PTPRD: variants seen among roughly 807,000 people sequenced by gnomAD.
The protein encoded by PTPRD is protein tyrosine phosphatase receptor type D, also known as receptor-type tyrosine-protein phosphatase delta.
Under a neutral mutation model 214.5 loss-of-function variants are expected in PTPRD, and 34 were observed. The ratio of observed to expected loss-of-function variants is 0.16; its 90% CI spans 0.12 to 0.21. The LOEUF (loss-of-function observed/expected upper bound fraction) is 0.21, where lower values mean the gene tolerates loss of function less well. PTPRD is among the 10% of genes least tolerant of loss of function. PTPRD has a pLI of 1.00. For missense variants in PTPRD, 2,545 were observed against 2,398.7 expected, an observed-to-expected ratio of 1.06 and a Z score of -1.27; for synonymous variants, 1,128 against 845.7, an observed-to-expected ratio of 1.33 and a Z score of -5.79.
At chr9:10,112,151 G>A (rs149189646) in intron 3 of PTPRD, among the ~76,000 whole-genome samples, 3 of 152,166 alleles carry the variant, frequency 2.0e-5, no homozygotes, top group African/African-American at 7.2e-5. Flanking sequence ...TTCTGGAATT[G>A]ACAAGCAAAT....
At chr9:10,235,556 A>G (rs1470679414) in intron 3 of PTPRD, among the ~76,000 whole-genome samples, 1 of 151,936 alleles carries the variant, frequency 6.6e-6, no homozygotes, top group Non-Finnish European at 1.5e-5. Context: ...ACTTAAGCCT[A>G]TTTCTGGACT....
In PTPRD at chr9:8,314,810, A is replaced by G. The variant is rs1295416926; in HGVS notation, c.*3064T>C. On this transcript the variant is annotated 3_prime_UTR_variant, in exon 46 of 46. Transcript: ENST00000381196. ...GAAGCAGTTTCTTACAGATGGGTTC[A>G]AGTAATATCATTATTGGGTGTAGAA... The G allele has an allele frequency of 8.6e-6, 2 of 232,312 alleles. No individual in the cohort carries two copies. Among genetic ancestry groups the G allele is most frequent in the Non-Finnish European group, 1.7e-5 (2 of 117,220 alleles). 14.4% of individuals were successfully genotyped at this position (232,312 alleles called of 1,614,324 possible).
chr9:10,300,435 G>T (rs937279411), intron 3 of PTPRD, among the ~76,000 whole-genome samples: 9 of 152,172 alleles, frequency 5.9e-5, no homozygotes, highest in Non-Finnish European at 1.3e-4. Flanking sequence ...CTGGAAAGGG[G>T]GCTGAAGCCA....
intron 2 of PTPRD, among the ~76,000 whole-genome samples, chr9:10,528,722 TC>T (rs1243344321): frequency 6.6e-6 from 1 of 152,182 alleles, no homozygotes; most frequent in East Asian, 1.9e-4. Context: ...GCTTGTATAA[TC>T]CTGACTTCTT....
At chr9:9,806,253 ATAGT>A (rs1173962235) in intron 5 of PTPRD, among the ~76,000 whole-genome samples, 7 of 151,714 alleles carry the variant, frequency 4.6e-5, no homozygotes, top group African/African-American at 1.5e-4. Flanking sequence ...CTCTAAAATA[ATAGT>A]TGGTTGTAGA....
chr9:9,044,690 G>A (rs1157272192), intron 10 of PTPRD, among the ~76,000 whole-genome samples: 1 of 152,110 alleles, frequency 6.6e-6, no homozygotes, highest in Non-Finnish European at 1.5e-5. Context: ...ACTATGCTGG[G>A]AACTTGAGTC....
At chr9:8,471,204 G>A in intron 30 of PTPRD, 119 bp from the exon 31 acceptor site, 1 of 755,938 alleles carries the variant, frequency 1.3e-6, no homozygotes, top group Non-Finnish European at 2.3e-6. Flanking sequence ...GGGGTGACTT[G>A]TCCATTTCTT....
intron 5 of PTPRD, among the ~76,000 whole-genome samples, chr9:9,802,057 T>G (rs992193441): frequency 2.0e-5 from 3 of 152,098 alleles, no homozygotes; most frequent in Admixed American, 6.6e-5. Context: ...AAATTGAATG[T>G]GTTTAGCACC....
intron 8 of PTPRD, among the ~76,000 whole-genome samples, chr9:9,564,895 T>TTTTTTTG (rs1555579069): frequency 3.3e-4 from 45 of 135,380 alleles, no homozygotes; most frequent in African/African-American, 1.3e-3. Flanking sequence ...TTTTTTTTTT[T>TTTTTTTG]TTTTTTTTTT....
At chr9:8,593,216 G>A (rs998780218) in intron 14 of PTPRD, among the ~76,000 whole-genome samples, 10 of 152,148 alleles carry the variant, frequency 6.6e-5, no homozygotes, top group Admixed American at 2.0e-4. Context: ...GCTTGAGGGC[G>A]TTTATCTTTA....
intron 5 of PTPRD, among the ~76,000 whole-genome samples, chr9:9,823,202 G>T (rs2051403095): frequency 6.6e-6 from 1 of 152,098 alleles, no homozygotes; most frequent in Admixed American, 6.6e-5. Flanking sequence ...TCATAGTTCT[G>T]CAGGCTTTAT....
At chr9:9,495,899 A>G (rs2096160658) in intron 8 of PTPRD, among the ~76,000 whole-genome samples, 1 of 152,212 alleles carries the variant, frequency 6.6e-6, no homozygotes, top group Admixed American at 6.5e-5. Flanking sequence ...TGAAACCAAC[A>G]GAACACTGTA....
chr9:10,237,931 AT>A (rs2099634299), intron 3 of PTPRD, among the ~76,000 whole-genome samples: 2 of 151,944 alleles, frequency 1.3e-5, no homozygotes, highest in East Asian at 3.9e-4. Flanking sequence ...AGTTCAACAT[AT>A]TTTTTAACAA....
chr9:9,269,897 T>C (rs1319334525), intron 9 of PTPRD, among the ~76,000 whole-genome samples: 1 of 151,102 alleles, frequency 6.6e-6, no homozygotes, highest in East Asian at 2.0e-4. Flanking sequence ...GGTACAAACT[T>C]TCAGTTAGAA....
At position 8,667,481 on chromosome 9, in the gene PTPRD, A is replaced by C. The variant is rs143396406; in HGVS notation, c.65-30637T>G. 1.3e-3 allele frequency among the ~76,000 whole-genome samples: 191 copies of C among 152,352 alleles called. 1 individual carries two copies. The highest frequency in any genetic ancestry group is 4.4e-3 in the African/African-American group (181 of 41,592). On this transcript the variant is annotated intron_variant, in intron 12 of 45. Coordinates refer to ENST00000381196, the MANE Select transcript of PTPRD (RefSeq NM_002839.4). ...TGAAATCCAAAATGTTTCAAAATCCAAAACTTTTTGAGCACTGACATGACA... is the reference window on the plus strand; with the variant it reads ...TGAAATCCAAAATGTTTCAAAATCCCAAACTTTTTGAGCACTGACATGACA...
chr9:10,066,695 T>A (rs1402263810), intron 3 of PTPRD, among the ~76,000 whole-genome samples: 3 of 151,888 alleles, frequency 2.0e-5, no homozygotes, highest in African/African-American at 7.2e-5. Flanking sequence ...GATGCTAGAT[T>A]TCCCTAAGTC....
intron 14 of PTPRD, among the ~76,000 whole-genome samples, chr9:8,625,869 TAA>T (rs77897424): frequency 4.4e-4 from 61 of 139,698 alleles, no homozygotes; most frequent in African/African-American, 4.7e-4. Context: ...GCCCAGTAGT[TAA>T]AAAAAAAAAA....
At chr9:9,589,722 G>GA (rs200558374) in intron 7 of PTPRD, among the ~76,000 whole-genome samples, 1 of 151,592 alleles carries the variant, frequency 6.6e-6, no homozygotes, top group Admixed American at 6.6e-5. Context: ...CTTTACAAAA[G>GA]AAAAAAAAGT....
At chr9:9,392,989 G>A (rs1456225519) in intron 9 of PTPRD, among the ~76,000 whole-genome samples, 2 of 152,188 alleles carry the variant, frequency 1.3e-5, no homozygotes, top group African/African-American at 4.8e-5. Context: ...GCAGAGGGGA[G>A]GAGCCTGGTC....
Sources: gnomAD v4.1 joint callset for allele counts (sites outside exome capture counted in the v4.1 genomes callset) on GRCh38, gnomAD v4.1.1 for gene constraint, MANE v1.5 for transcripts, NCBI Gene and HGNC (gene_info 2026-07-23, HGNC 2026-07-21) for gene names.